Variants in ANKRD11 observed in about 807,000 individuals in gnomAD.
ANKRD11 encodes ankyrin repeat domain 11.
A neutral mutation model predicts 195.7 loss-of-function variants in ANKRD11; 17 were observed. The observed-to-expected ratio is 0.09, with a 90% confidence interval of 0.06 to 0.13. ANKRD11 has a LOEUF of 0.13. Ranked by LOEUF, ANKRD11 falls within the 10% of genes least tolerant of loss-of-function variation. ANKRD11 has a pLI of 1.00. For synonymous variants in ANKRD11, 1,953 were observed against 1,528.1 expected, an observed-to-expected ratio of 1.28 and a Z score of -6.49; for missense variants, 3,735 against 3,566.1, an observed-to-expected ratio of 1.05 and a Z score of -1.21.
Position 89,281,601 on chromosome 16 carries a change from A to T in ANKRD11, c.4941T>A (p.Pro1647=). 1.2e-6 allele frequency: 2 copies of T among 1,614,090 alleles called. No individual in the cohort carries two copies. Among genetic ancestry groups the T allele is most frequent in the Non-Finnish European group, 8.5e-7 (1 of 1,179,992 alleles). ...CTTTGAGCTTTTTGTCTTTAAATGG[A>T]GGGTCCAGCCCCGGCGGTTTCTTAG... The part of the protein sequence containing the change: ...IPAKKPPGLD[P]PFKDKKLKES... Residue 1647 remains proline (P), a synonymous_variant, in exon 9 of 13, where the codon CCT becomes CCA. Coordinates refer to ENST00000301030, the MANE Select transcript of ANKRD11 (RefSeq NM_013275.6). The surrounding 1 kb of genome is among the most constrained non-coding windows in gnomAD (Gnocchi z 5.5).
intron 1 of ANKRD11, among the ~76,000 whole-genome samples, chr16:89,436,471 T>C (rs919549068): frequency 6.6e-6 from 1 of 151,234 alleles, no homozygotes; most frequent in Non-Finnish European, 1.5e-5. Context: ...CAACAAGAGA[T>C]TCAAGCAGAA....
chr16:89,327,544 C>T lies in ANKRD11; in HGVS notation c.-59-10466G>A, dbSNP rs144695542. Among the ~76,000 whole-genome samples the T allele has an allele frequency of 4.4e-3, 665 of 152,308 alleles. 6 individuals are homozygous for T. The highest frequency in any genetic ancestry group is 0.016 in the African/African-American group (645 of 41,562). Reference sequence around the variant, plus strand: ...GCAAGGACACAGAATCCAAGATCAACACACAAACACCTATCCTATTTCTGC... The same window carrying T: ...GCAAGGACACAGAATCCAAGATCAATACACAAACACCTATCCTATTTCTGC... On this transcript the variant is annotated intron_variant, in intron 2 of 12. Coordinates refer to ENST00000301030, the MANE Select transcript of ANKRD11 (RefSeq NM_013275.6).
chr16:89,320,528 C>A (rs1228121241), intron 2 of ANKRD11, among the ~76,000 whole-genome samples: 1 of 152,204 alleles, frequency 6.6e-6, no homozygotes, highest in Non-Finnish European at 1.5e-5. Flanking sequence ...CCCTGACCGC[C>A]CCCAGGCCAC....
chr16:89,276,652 C>T (rs1597418574), intron 9 of ANKRD11, among the ~76,000 whole-genome samples: 1 of 152,214 alleles, frequency 6.6e-6, no homozygotes, highest in African/African-American at 2.4e-5. Flanking sequence ...GGCAGGGTCT[C>T]GTCACCTCCA....
intron 4 of ANKRD11, among the ~76,000 whole-genome samples, chr16:89,294,530 T>C (rs997703485): frequency 6.6e-6 from 1 of 152,078 alleles, no homozygotes; most frequent in Non-Finnish European, 1.5e-5. Flanking sequence ...CCAGCAAACT[T>C]GCACGTCTGT....
chr16:89,378,152 C>A (rs1043966356), intron 2 of ANKRD11, among the ~76,000 whole-genome samples: 2 of 152,102 alleles, frequency 1.3e-5, no homozygotes, highest in Non-Finnish European at 2.9e-5. Context: ...CAGTTTGAGA[C>A]CAGCCTGGGC....
At chr16:89,447,723 C>T (rs1360934259) in intron 1 of ANKRD11, among the ~76,000 whole-genome samples, 1 of 150,968 alleles carries the variant, frequency 6.6e-6, no homozygotes, top group Non-Finnish European at 1.5e-5. Flanking sequence ...AGGCGTGAGC[C>T]ACCGCGCCTG....
chr16:89,417,298 G>A (rs1465247061), intron 2 of ANKRD11, among the ~76,000 whole-genome samples: 2 of 152,276 alleles, frequency 1.3e-5, no homozygotes, highest in East Asian at 3.9e-4. Flanking sequence ...AACAGATTAT[G>A]TATTTTTGGA....
chr16:89,416,012 G>C (rs1191272457), intron 2 of ANKRD11, among the ~76,000 whole-genome samples: 2 of 151,750 alleles, frequency 1.3e-5, no homozygotes, highest in Admixed American at 6.6e-5. Flanking sequence ...CTCATGCTAA[G>C]GGCCTTCCTC....
chr16:89,328,029 A>T (rs2037827167), intron 2 of ANKRD11, among the ~76,000 whole-genome samples: 1 of 152,246 alleles, frequency 6.6e-6, no homozygotes. Context: ...ATCAAACAAC[A>T]AACATTAATT....
chr16:89,341,501 G>A (rs2151996693), intron 2 of ANKRD11, among the ~76,000 whole-genome samples: 1 of 152,242 alleles, frequency 6.6e-6, no homozygotes, highest in Non-Finnish European at 1.5e-5. Context: ...CTTAGCAACG[G>A]CTCTAAACAT....
rs202126162 is a variant in ANKRD11 at position 89,281,292 on chromosome 16, G to A, written c.5250C>T (p.Thr1750=). The A allele has an allele frequency of 6.0e-5, 97 of 1,614,212 alleles. No individual in the cohort carries two copies. In the East Asian group the frequency reaches 1.4e-3, roughly 23 times the overall value. ...ADSQHSTPVP[T]APTSACSPSF... ...AGGGGGAGCAGGCGCTGGTGGGAGC[G>A]GTGGGCACGGGCGTGGAGTGCTGCG... The change falls in exon 9 of 13, where the codon ACC becomes ACT. Residue 1750 remains threonine, a synonymous_variant. Transcript: ENST00000301030. The surrounding 1 kb of genome is among the most constrained non-coding windows in gnomAD (Gnocchi z 5.5).
intron 1 of ANKRD11, among the ~76,000 whole-genome samples, chr16:89,449,833 G>A: frequency 6.6e-6 from 1 of 151,866 alleles, no homozygotes. Flanking sequence ...GGTGAGCTAG[G>A]TAAGGTGCTC....
chr16:89,344,198 G>C (rs983390133), intron 2 of ANKRD11, among the ~76,000 whole-genome samples: 1 of 152,164 alleles, frequency 6.6e-6, no homozygotes, highest in Non-Finnish European at 1.5e-5. Context: ...CAGCCCCTAA[G>C]TCATCACTAG....
chr16:89,457,677 G>C (rs898393215), intron 1 of ANKRD11, among the ~76,000 whole-genome samples: 5 of 152,054 alleles, frequency 3.3e-5, no homozygotes, highest in South Asian at 2.1e-4. Context: ...GGCTGGCAGT[G>C]CTTGGGGCAG....
Position 89,453,212 on chromosome 16 carries a change from A to G in ANKRD11, c.-144-34844T>C, listed in dbSNP as rs1293448015. ...GCCCTGCCCTTCAGGGATTAAGTGC[A>G]TTTCTTAGATACTCACTACTTCTCT... is the stretch of plus-strand genomic sequence containing the variant. On this transcript the variant is annotated intron_variant, in intron 1 of 12. Transcript: ENST00000301030. Among the ~76,000 whole-genome samples the G allele has an allele frequency of 3.3e-5, 5 of 152,140 alleles. No individual in the cohort carries two copies. In the South Asian group the frequency reaches 8.3e-4, roughly 25 times the overall value.
chr16:89,474,809 G>A (rs530632947), intron 1 of ANKRD11, among the ~76,000 whole-genome samples: 4 of 152,190 alleles, frequency 2.6e-5, no homozygotes, highest in Admixed American at 6.5e-5. Context: ...TGCCACCAAC[G>A]TCAATCCTCA....
At chr16:89,462,948 T>G (rs1339523016) in intron 1 of ANKRD11, among the ~76,000 whole-genome samples, 3 of 126,028 alleles carry the variant, frequency 2.4e-5, no homozygotes, top group Admixed American at 7.7e-5. Context: ...GAGGTGGAGG[T>G]GGGGGGGGTC....
chr16:89,285,617 C>G lies in ANKRD11; in HGVS notation c.925G>C (p.Ala309Pro), dbSNP rs145678880. 2 of 1,614,002 alleles carry G rather than the reference C, an allele frequency of 1.2e-6. No homozygotes were observed. Residue 309 changes from alanine to proline, a missense_variant, in exon 9 of 13, where the codon GCA becomes CCA. Physicochemically the swap from Ala to Pro is conservative, Grantham distance 27 (BLOSUM62 -1). Transcript: ENST00000301030. The surrounding 1 kb of genome is among the most constrained non-coding windows in gnomAD (Gnocchi z 5.6). The part of the protein sequence containing the change: ...SSEEEDAPSF[A>P]PSSSVDGNNT... ...TTGCCGTCGACTGAACTGGAAGGTGCGAAGGATGGTGCGTCTTCCTCTTCT... is the reference window on the plus strand; with the variant it reads ...TTGCCGTCGACTGAACTGGAAGGTGGGAAGGATGGTGCGTCTTCCTCTTCT...
Sources: allele counts gnomAD v4.1 joint callset (sites outside exome capture counted in the v4.1 genomes callset), GRCh38; gene constraint gnomAD v4.1.1; non-coding constraint Gnocchi (gnomAD v3.1); transcripts MANE v1.5; gene names NCBI Gene and HGNC (gene_info 2026-07-23, HGNC 2026-07-21).